Variants in MID1 observed in about 807,000 individuals in gnomAD.
MID1 encodes the protein midline 1.
A neutral mutation model predicts 40.4 loss-of-function variants in MID1; 7 were observed. The observed-to-expected ratio is 0.17, with a 90% CI of 0.10 to 0.33. The LOEUF (loss-of-function observed/expected upper bound fraction) is 0.33, where lower values mean the gene tolerates loss of function less well. Ranked by LOEUF, MID1 falls within the 10% of genes least tolerant of loss-of-function variation. The pLI, the probability that MID1 is intolerant of heterozygous loss-of-function variation, is 1.00. For synonymous variants in MID1, 229 were observed against 221.2 expected, an observed-to-expected ratio of 1.04 and a Z score of -0.31; for missense variants, 367 against 558.5, an observed-to-expected ratio of 0.66 and a Z score of 3.46.
At chrX:10,484,413 T>A (rs1168608002) in intron 4 of MID1, among the ~76,000 whole-genome samples, 2 of 112,229 alleles carry the variant, frequency 1.8e-5, no homozygotes, top group Admixed American at 1.9e-4. Context: ...AATGCGATGA[T>A]GCTTGAACTC....
chrX:10,688,964 TG>T (rs2043115749), intron 1 of MID1, among the ~76,000 whole-genome samples: 1 of 109,864 alleles, frequency 9.1e-6, no homozygotes, highest in Non-Finnish European at 1.9e-5. Context: ...TCTTATTTGG[TG>T]GATGGATGTT....
At chrX:10,686,569 G>T (rs999204967) in intron 1 of MID1, among the ~76,000 whole-genome samples, 1 of 111,953 alleles carries the variant, frequency 8.9e-6, no homozygotes, top group Non-Finnish European at 1.9e-5. Flanking sequence ...ACAGGGCAAG[G>T]GTAAAGCTTT....
At chrX:10,543,237 G>T (rs1194526896) in intron 2 of MID1, among the ~76,000 whole-genome samples, 1 of 112,013 alleles carries the variant, frequency 8.9e-6, no homozygotes, top group Non-Finnish European at 1.9e-5. Flanking sequence ...CAAAACACTT[G>T]GTCATTCTCC....
chrX:10,756,962 A>G (rs185453336), intron 1 of MID1, among the ~76,000 whole-genome samples: 2 of 111,485 alleles, frequency 1.8e-5, no homozygotes, highest in East Asian at 5.7e-4. Context: ...AAACCTCCCA[A>G]ATTAAAATCA....
At chrX:10,710,318 G>C (rs2043258257) in intron 1 of MID1, among the ~76,000 whole-genome samples, 1 of 111,126 alleles carries the variant, frequency 9.0e-6, no homozygotes, top group Admixed American at 9.7e-5. Flanking sequence ...AGAAATGCAT[G>C]GCCTATTTCA....
chrX:10,798,787 T>C (rs1364951586), intron 1 of MID1, among the ~76,000 whole-genome samples: 1 of 111,729 alleles, frequency 9.0e-6, no homozygotes, highest in African/African-American at 3.3e-5. Flanking sequence ...ATGGTTGTTG[T>C]AGGAATTTTA....
chrX:10,631,453 C>T (rs1936051414), intron 1 of MID1, among the ~76,000 whole-genome samples: 1 of 111,484 alleles, frequency 9.0e-6, no homozygotes, highest in African/African-American at 3.3e-5. Flanking sequence ...GCTAGGAGGC[C>T]ATAGATACTA....
At chrX:10,684,754 C>A (rs2043083424) in intron 1 of MID1, among the ~76,000 whole-genome samples, 1 of 111,517 alleles carries the variant, frequency 9.0e-6, no homozygotes, top group Non-Finnish European at 1.9e-5. Context: ...TATGTAACAA[C>A]TTTATTAGGT....
intron 5 of MID1, among the ~76,000 whole-genome samples, chrX:10,482,218 A>G (rs750567133): frequency 8.9e-6 from 1 of 111,808 alleles, no homozygotes; most frequent in South Asian, 3.8e-4. Context: ...CTCGTCCAAA[A>G]GCAGGTTGAT....
intron 1 of MID1, among the ~76,000 whole-genome samples, chrX:10,611,621 C>A (rs1935738310): frequency 9.0e-6 from 1 of 111,160 alleles, no homozygotes; most frequent in Non-Finnish European, 1.9e-5. Context: ...CCTCTAGGAA[C>A]CTTCAAGAGG....
chrX:10,637,236 G>A (rs556834918), intron 1 of MID1, among the ~76,000 whole-genome samples: 10 of 110,883 alleles, frequency 9.0e-5, no homozygotes, highest in Non-Finnish European at 1.5e-4. Context: ...AAACTTGAAG[G>A]TTTCAAACAC....
intron 1 of MID1, among the ~76,000 whole-genome samples, chrX:10,696,489 A>C (rs1017759948): frequency 9.0e-6 from 1 of 111,243 alleles, no homozygotes; most frequent in Non-Finnish European, 1.9e-5. Flanking sequence ...TCCTGCTCTA[A>C]AACATCTTGA....
At chrX:10,498,652 A>G (rs915322850) in intron 3 of MID1, among the ~76,000 whole-genome samples, 16 of 111,790 alleles carry the variant, frequency 1.4e-4, no homozygotes, top group Non-Finnish European at 2.6e-4. Flanking sequence ...CCACTAGTCT[A>G]CTTTCTGTCT....
At chrX:10,703,858 G>A (rs747386382) in intron 1 of MID1, among the ~76,000 whole-genome samples, 1 of 111,907 alleles carries the variant, frequency 8.9e-6, no homozygotes, top group South Asian at 3.7e-4. Flanking sequence ...AGACCAAATA[G>A]TGGATGAAAA....
intron 7 of MID1, among the ~76,000 whole-genome samples, chrX:10,463,247 C>T (rs1029996070): frequency 1.8e-5 from 2 of 112,136 alleles, no homozygotes; most frequent in Non-Finnish European, 3.8e-5. Flanking sequence ...TTAGTGAGGG[C>T]CTTTTCGTAA....
At chrX:10,626,252 T>C (rs1423876849) in intron 1 of MID1, among the ~76,000 whole-genome samples, 1 of 109,996 alleles carries the variant, frequency 9.1e-6, no homozygotes, top group African/African-American at 3.3e-5. Flanking sequence ...GGGGCAGAAA[T>C]GTGCCCAGCT....
chrX:10,615,965 C>T (rs1935830762), intron 1 of MID1, among the ~76,000 whole-genome samples: 1 of 112,133 alleles, frequency 8.9e-6, no homozygotes, highest in Non-Finnish European at 1.9e-5. Flanking sequence ...TATTCTCTTC[C>T]TTGAATGAAC....
chrX:10,473,502 G>A (rs1569056361), intron 6 of MID1, among the ~76,000 whole-genome samples: 1 of 111,897 alleles, frequency 8.9e-6, no homozygotes, highest in Non-Finnish European at 1.9e-5. Flanking sequence ...CTCATCTTCT[G>A]GGTACAATGC....
chrX:10,533,368 GAAAGAAAGAAAAAGAAAGAAAGA>G (rs1933077511), intron 2 of MID1, among the ~76,000 whole-genome samples: 1 of 53,909 alleles, frequency 1.9e-5, no homozygotes, highest in African/African-American at 7.9e-5. Context: ...AAGAAAGAAA[GAAAGAAAGAAAAAGAAAGAAAGA>G]AAAGAAAGAA....
Sources: gnomAD v4.1 joint callset for allele counts (sites outside exome capture counted in the v4.1 genomes callset) on GRCh38, gnomAD v4.1.1 for gene constraint, MANE v1.5 for transcripts, NCBI Gene and HGNC (gene_info 2026-07-23, HGNC 2026-07-21) for gene names.